The following KIF13B variants were observed in gnomAD, a reference collection of about 807,000 sequenced individuals.
The protein encoded by KIF13B is kinesin family member 13B.
Under a neutral mutation model 222.0 loss-of-function variants are expected in KIF13B, and 127 were observed. The observed-to-expected ratio is 0.57, with a 90% confidence interval of 0.50 to 0.66. The LOEUF (loss-of-function observed/expected upper bound fraction) is 0.66, where lower values mean the gene tolerates loss of function less well. KIF13B is among the 30% of genes least tolerant of loss of function. KIF13B has a pLI of 0.00. For synonymous variants in KIF13B, 976 were observed against 919.0 expected, an observed-to-expected ratio of 1.06 and a Z score of -1.12; for missense variants, 2,173 against 2,379.0, an observed-to-expected ratio of 0.91 and a Z score of 1.80.
chr8:29,244,215 G>A (rs930274684), intron 2 of KIF13B, among the ~76,000 whole-genome samples: 6 of 152,090 alleles, frequency 3.9e-5, no homozygotes, highest in African/African-American at 1.2e-4. Flanking sequence ...GGGTTTCACT[G>A]TGTTAGCCAG....
At chr8:29,141,619 G>C (rs575713505) in intron 19 of KIF13B, among the ~76,000 whole-genome samples, 2 of 152,304 alleles carry the variant, frequency 1.3e-5, no homozygotes, top group South Asian at 4.1e-4. Flanking sequence ...ATACGTATGA[G>C]TACATGGCTG....
rs1334680529 is a variant in KIF13B, at chr8:29,071,473, G to A, written c.5218+147C>T. 5.8e-6 allele frequency: 4 copies of A among 685,836 alleles called. No individual in the cohort carries two copies. The highest frequency in any genetic ancestry group is 9.9e-6 in the Non-Finnish European group (4 of 405,708). 42.5% of individuals were successfully genotyped at this position (685,836 alleles called of 1,614,324 possible). A position where few individuals can be genotyped will look rare whatever the true frequency, so the allele number is the denominator to read the frequency against. On this transcript the variant is annotated intron_variant, in intron 39 of 39. Transcript: ENST00000524189. This position sits in a 1 kb window ranked among gnomAD's most constrained non-coding sequence, Gnocchi z 4.9. ...CCTGCCCCCAGCCTCACCCCTGCAG[G>A]CCCAGCCGCTCCCGCAGCTTCAGCC... is the stretch of plus-strand genomic sequence containing the variant.
rs985214704 is a variant in KIF13B at position 29,174,677 on chromosome 8, T to C, written c.945+1391A>G. Among the ~76,000 whole-genome samples the C allele has an allele frequency of 4.7e-4, 72 of 152,370 alleles. 1 individual carries two copies. The highest frequency in any genetic ancestry group is 1.5e-3 in the African/African-American group (61 of 41,590). ...AATTATCATGATTTGTTTACACTTT[T>C]GTTTAAATTTCTAACAGTCCTGCAT... On this transcript the variant is annotated intron_variant, in intron 10 of 39. Transcript: ENST00000524189.
At chr8:29,147,651 A>G (rs1811118940) in intron 16 of KIF13B, 49 bp from the exon 17 acceptor site, 6 of 1,350,660 alleles carry the variant, frequency 4.4e-6, no homozygotes, top group South Asian at 3.6e-5. Context: ...ACAACATAAT[A>G]AACTTCAAAT....
intron 2 of KIF13B, among the ~76,000 whole-genome samples, chr8:29,243,729 C>T (rs541031892): frequency 3.6e-4 from 54 of 152,088 alleles, no homozygotes; most frequent in African/African-American, 1.2e-3. Context: ...ATGCTAGCAA[C>T]GTTCTGTTTC....
At chr8:29,118,750 T>G in intron 30 of KIF13B, 118 bp downstream of exon 30, 1 of 1,013,098 alleles carries the variant, frequency 9.9e-7, no homozygotes, top group Non-Finnish European at 1.5e-6. Flanking sequence ...AAGGTTTTGC[T>G]TTATGTATTT....
chr8:29,133,419 T>G (rs1274713676), intron 22 of KIF13B, among the ~76,000 whole-genome samples: 6 of 152,112 alleles, frequency 3.9e-5, no homozygotes. Context: ...TGAAACCTTG[T>G]CTCTACTAAA....
intron 35 of KIF13B, among the ~76,000 whole-genome samples, chr8:29,107,641 G>A (rs1195855079): frequency 6.6e-6 from 1 of 151,240 alleles, no homozygotes; most frequent in African/African-American, 2.4e-5. Flanking sequence ...CTCACTGCAG[G>A]CTCCGCCCCC....
chr8:29,110,802 A>T (rs540146620), intron 32 of KIF13B: 1 of 152,240 alleles, frequency 6.6e-6, no homozygotes. Flanking sequence ...TTTCAAGCAA[A>T]GTGGGCTCTT....
At chr8:29,155,970 AT>A in intron 13 of KIF13B, 114 bp from the exon 14 acceptor site, 1 of 766,388 alleles carries the variant, frequency 1.3e-6, no homozygotes, top group Non-Finnish European at 2.1e-6. Flanking sequence ...AATTTTTTTT[AT>A]TTTTATTTTA....
chr8:29,127,389 C>A, intron 24 of KIF13B, 121 bp from the exon 25 acceptor site: 2 of 684,000 alleles, frequency 2.9e-6, no homozygotes, highest in Non-Finnish European at 4.7e-6. Flanking sequence ...GTCACTATAC[C>A]TTATTGTTAA....
At chr8:29,190,033 T>C (rs1226304304) in intron 4 of KIF13B, 2 of 152,252 alleles carry the variant, frequency 1.3e-5, no homozygotes, top group East Asian at 1.9e-4. Context: ...TATAGAGATG[T>C]AGGTTACCAT....
intron 1 of KIF13B, among the ~76,000 whole-genome samples, chr8:29,249,275 A>G (rs944796503): frequency 3.3e-5 from 5 of 151,864 alleles, no homozygotes; most frequent in Admixed American, 2.6e-4. Flanking sequence ...TAAATATACA[A>G]AAAAATTAGC....
At chr8:29,179,965 C>T in intron 8 of KIF13B, 139 bp downstream of exon 8, 2 of 912,762 alleles carry the variant, frequency 2.2e-6, no homozygotes, top group Non-Finnish European at 3.4e-6. Flanking sequence ...CCTAGAGGAG[C>T]TTCTGTTTCT....
intron 2 of KIF13B, among the ~76,000 whole-genome samples, chr8:29,222,311 T>C (rs1204375718): frequency 1.3e-5 from 2 of 152,092 alleles, no homozygotes; most frequent in African/African-American, 2.4e-5. Flanking sequence ...GTTCATGGCA[T>C]GGCACGGCAC....
At chr8:29,202,305 G>A (rs1813730478) in intron 2 of KIF13B, among the ~76,000 whole-genome samples, 1 of 152,102 alleles carries the variant, frequency 6.6e-6, no homozygotes, top group Non-Finnish European at 1.5e-5. Context: ...GTTGCCGCAA[G>A]TGGGATATCT....
At chr8:29,090,993 T>C (rs1240161821) in intron 37 of KIF13B, among the ~76,000 whole-genome samples, 1 of 152,216 alleles carries the variant, frequency 6.6e-6, no homozygotes, top group African/African-American at 2.4e-5. Context: ...GCTGGGGTTA[T>C]AGGTGTGAGC....
intron 18 of KIF13B, among the ~76,000 whole-genome samples, chr8:29,144,066 C>T (rs1157663470): frequency 6.7e-6 from 1 of 150,332 alleles, no homozygotes; most frequent in African/African-American, 2.4e-5. Context: ...TACATTTCCC[C>T]GAGGGAGACA....
In KIF13B at chr8:29,140,849, T is replaced by C. The variant is rs1810786909; in HGVS notation, c.2335-232A>G. 9.8e-6 allele frequency: 4 copies of C among 408,496 alleles called. No homozygotes were observed. In the Admixed American group the frequency reaches 1.6e-4, roughly 17 times the overall value. 25.3% of individuals were successfully genotyped at this position (408,496 alleles called of 1,614,324 possible). ...AATGGAGGTGAGCATCCTCCACCCA[T>C]GACAGAGCGATCCCAGTAACAGGTC... is the stretch of plus-strand genomic sequence containing the variant. On this transcript the variant is annotated intron_variant, in intron 19 of 39. Transcript: ENST00000524189.
Sources: gnomAD v4.1 joint callset for allele counts (sites outside exome capture counted in the v4.1 genomes callset) on GRCh38, gnomAD v4.1.1 for gene constraint, Gnocchi (gnomAD v3.1) non-coding constraint, MANE v1.5 for transcripts, NCBI Gene and HGNC (gene_info 2026-07-23, HGNC 2026-07-21) for gene names.